The following RPS6KC1 variants were observed in gnomAD, a reference collection of about 807,000 sequenced individuals.
RPS6KC1 encodes the protein ribosomal protein S6 kinase C1.
In RPS6KC1, 54 loss-of-function variants were observed where a neutral mutation model predicts 103.8. That is an observed-to-expected ratio of 0.52 (90% CI 0.42 to 0.65). The LOEUF (loss-of-function observed/expected upper bound fraction) is 0.65, where lower values mean the gene tolerates loss of function less well. Ranked by LOEUF, RPS6KC1 falls within the 30% of genes least tolerant of loss-of-function variation. RPS6KC1 has a pLI of 0.00. For missense variants in RPS6KC1, 1,151 were observed against 1,253.8 expected (o/e 0.92, Z 1.24); for synonymous variants, 439 against 438.7 (o/e 1.00, Z -0.01).
At chr1:213,286,984 A>G in the RPS6KC1 span, among the ~76,000 whole-genome samples, 3 of 152,360 alleles carry the variant, frequency 2.0e-5, no homozygotes, top group South Asian at 6.2e-4. Flanking sequence ...TTAACAGGTA[A>G]TTTGTAAAGA....
chr1:213,480,583 A>G, the RPS6KC1 span, among the ~76,000 whole-genome samples: 40 of 152,224 alleles, frequency 2.6e-4, 1 homozygote, highest in South Asian at 8.1e-3. Flanking sequence ...TCAGGATACA[A>G]TTATAAAGGA....
At chr1:213,480,015 A>C in the RPS6KC1 span, among the ~76,000 whole-genome samples, 1 of 151,918 alleles carries the variant, frequency 6.6e-6, no homozygotes, top group Non-Finnish European at 1.5e-5. Context: ...TTAAGCCACA[A>C]TTTTATAAAG....
At chr1:213,217,349 A>G (rs2093693633) in intron 8 of RPS6KC1, among the ~76,000 whole-genome samples, 1 of 152,196 alleles carries the variant, frequency 6.6e-6, no homozygotes, top group Non-Finnish European at 1.5e-5. Context: ...GAATAGACCA[A>G]TAACAGGCTC....
chr1:213,452,536 T>C, the RPS6KC1 span, among the ~76,000 whole-genome samples: 58 of 152,310 alleles, frequency 3.8e-4, no homozygotes, highest in African/African-American at 1.3e-3. Flanking sequence ...AAAATGGCTG[T>C]TAAGTCTTTC....
the RPS6KC1 span, among the ~76,000 whole-genome samples, chr1:213,734,734 GAGTATCAATAC>G: frequency 6.6e-6 from 1 of 152,194 alleles, no homozygotes; most frequent in Non-Finnish European, 1.5e-5. Flanking sequence ...GAGTGACAGA[GAGTATCAATAC>G]ATCTATTAGT....
chr1:213,680,494 T>C, the RPS6KC1 span, among the ~76,000 whole-genome samples: 2 of 152,144 alleles, frequency 1.3e-5, no homozygotes, highest in Non-Finnish European at 2.9e-5. Context: ...AGAACTGCCT[T>C]GCAAAAGGAC....
the RPS6KC1 span, among the ~76,000 whole-genome samples, chr1:213,401,529 G>A: frequency 8.4e-3 from 1,273 of 152,264 alleles, 30 homozygotes; most frequent in African/African-American, 0.029. Flanking sequence ...GAATTTTCAC[G>A]GAACCTGAAG....
At chr1:213,064,134 G>T (rs1160621268) in intron 1 of RPS6KC1, among the ~76,000 whole-genome samples, 1 of 152,080 alleles carries the variant, frequency 6.6e-6, no homozygotes, top group Non-Finnish European at 1.5e-5. Context: ...TTGGCTCTCT[G>T]CAACCTCCGC....
intron 4 of RPS6KC1, among the ~76,000 whole-genome samples, chr1:213,112,709 C>T (rs1443409975): frequency 6.6e-6 from 1 of 151,736 alleles, no homozygotes; most frequent in African/African-American, 2.4e-5. Flanking sequence ...TGCTATCCCT[C>T]CCCTCTCCCC....
At chr1:213,540,115 C>A in the RPS6KC1 span, among the ~76,000 whole-genome samples, 1 of 151,900 alleles carries the variant, frequency 6.6e-6, no homozygotes, top group African/African-American at 2.4e-5. Context: ...GTGGCAATTT[C>A]TTCCTTTTTT....
chr1:213,352,443 C>T, the RPS6KC1 span, among the ~76,000 whole-genome samples: 4 of 151,962 alleles, frequency 2.6e-5, no homozygotes, highest in Admixed American at 2.0e-4. Context: ...TTTTGTGTCT[C>T]GTGGGAGGGG....
chr1:213,594,762 T>C, the RPS6KC1 span, among the ~76,000 whole-genome samples: 2 of 152,172 alleles, frequency 1.3e-5, no homozygotes, highest in African/African-American at 2.4e-5. Flanking sequence ...GAGTCTGCTG[T>C]GGTAGACTGA....
the RPS6KC1 span, among the ~76,000 whole-genome samples, chr1:213,287,339 A>AT: frequency 2.0e-5 from 3 of 151,964 alleles, no homozygotes; most frequent in Admixed American, 2.0e-4. Flanking sequence ...ACCAGACGTC[A>AT]TTTCTACAGG....
At chr1:213,782,172 C>A in the RPS6KC1 span, among the ~76,000 whole-genome samples, 1 of 151,956 alleles carries the variant, frequency 6.6e-6, no homozygotes, top group Non-Finnish European at 1.5e-5. Flanking sequence ...ATAGAAGTTG[C>A]TTCTATCTTG....
chr1:213,090,962 T>A (rs1213027098), intron 3 of RPS6KC1, among the ~76,000 whole-genome samples: 1 of 152,260 alleles, frequency 6.6e-6, no homozygotes, highest in Non-Finnish European at 1.5e-5. Context: ...TGGATTCTTA[T>A]AGCTGTTTCT....
the RPS6KC1 span, among the ~76,000 whole-genome samples, chr1:213,389,730 T>C: frequency 6.6e-6 from 1 of 152,170 alleles, no homozygotes; most frequent in Admixed American, 6.5e-5. Context: ...ACGGAAATGC[T>C]GCCCTCCTTT....
the RPS6KC1 span, among the ~76,000 whole-genome samples, chr1:213,732,150 A>C: frequency 6.6e-6 from 1 of 151,712 alleles, no homozygotes; most frequent in Non-Finnish European, 1.5e-5. Context: ...TTAAGTCTCC[A>C]CTCTTTAGAA....
intron 4 of RPS6KC1, among the ~76,000 whole-genome samples, chr1:213,109,247 C>T (rs2148820428): frequency 6.6e-6 from 1 of 152,290 alleles, no homozygotes; most frequent in African/African-American, 2.4e-5. Context: ...TGCCATTCTC[C>T]TGCTTCAGCC....
chr1:213,326,213 G>A, the RPS6KC1 span, among the ~76,000 whole-genome samples: 2 of 150,748 alleles, frequency 1.3e-5, no homozygotes, highest in African/African-American at 4.9e-5. Context: ...GAAAAAAAAA[G>A]AAAAAAGAAA....
Sources: allele counts gnomAD v4.1 joint callset (sites outside exome capture counted in the v4.1 genomes callset), GRCh38; gene constraint gnomAD v4.1.1; transcripts MANE v1.5; gene names NCBI Gene and HGNC (gene_info 2026-07-23, HGNC 2026-07-21).